Variants in DRICH1 observed in about 807,000 individuals in gnomAD.
The protein encoded by DRICH1 is aspartate-rich protein 1.
In DRICH1, 38 loss-of-function variants were observed where a neutral mutation model predicts 39.5. The ratio of observed to expected loss-of-function variants is 0.96; its 90% confidence interval spans 0.74 to 1.26. The LOEUF is 1.26. Among genes scored for constraint, DRICH1 ranks in the 50% most tolerant of loss-of-function variants. The pLI is 0.00. For missense variants in DRICH1, 279 were observed against 270.4 expected (o/e 1.03, Z -0.22); for synonymous variants, 84 against 99.5 (o/e 0.84, Z 0.93).
At chr22:23,582,570 A>ATTATTATTATTAT in the DRICH1 span, among the ~76,000 whole-genome samples, 3 of 135,626 alleles carry the variant, frequency 2.2e-5, no homozygotes, top group African/African-American at 7.9e-5. Flanking sequence ...TATTATTATT[A>ATTATTATTATTAT]TTATTATTAT....
intron 3 of DRICH1, among the ~76,000 whole-genome samples, chr22:23,622,804 G>A (rs1359065099): frequency 2.0e-5 from 3 of 152,052 alleles, no homozygotes; most frequent in African/African-American, 7.3e-5. Flanking sequence ...GGCTTCATCA[G>A]CTCTGTGTCA....
At chr22:23,619,171 CAAAAAAAAAAAA>C (rs5844565) in intron 6 of DRICH1, among the ~76,000 whole-genome samples, 181 bp downstream of exon 6, 1 of 84,938 alleles carries the variant, frequency 1.2e-5, no homozygotes, top group Admixed American at 1.3e-4. Flanking sequence ...GACTCCGTCT[CAAAAAAAAAAAA>C]AAAAAAGAAA....
chr22:23,597,359 T>C, the DRICH1 span, among the ~76,000 whole-genome samples: 2 of 147,160 alleles, frequency 1.4e-5, no homozygotes, highest in Non-Finnish European at 3.0e-5. Flanking sequence ...AATCTAAAAT[T>C]AGCCGGTCAC....
chr22:23,590,745 T>C, the DRICH1 span, among the ~76,000 whole-genome samples: 2 of 152,092 alleles, frequency 1.3e-5, no homozygotes, highest in Non-Finnish European at 2.9e-5. Context: ...ATTACAGGTG[T>C]GCACCACCAC....
chr22:23,622,588 A>G (rs1312287452), intron 3 of DRICH1, among the ~76,000 whole-genome samples: 1 of 152,194 alleles, frequency 6.6e-6, no homozygotes, highest in African/African-American at 2.4e-5. Flanking sequence ...TAAAAGATCT[A>G]TTACTTAATT....
At chr22:23,593,022 C>A in the DRICH1 span, among the ~76,000 whole-genome samples, 1 of 150,630 alleles carries the variant, frequency 6.6e-6, no homozygotes, top group Non-Finnish European at 1.5e-5. Context: ...CAGAGTGAGG[C>A]TTCACCTCAA....
the DRICH1 span, among the ~76,000 whole-genome samples, chr22:23,601,143 C>CGT: frequency 9.1e-5 from 13 of 142,912 alleles, no homozygotes; most frequent in Non-Finnish European, 1.8e-4. Flanking sequence ...CTAACGCACG[C>CGT]GCGCACACAC....
At chr22:23,619,073 AAGGCAGGAGAATC>A (rs1264013616) in intron 6 of DRICH1, among the ~76,000 whole-genome samples, 1 of 151,738 alleles carries the variant, frequency 6.6e-6, no homozygotes, top group Non-Finnish European at 1.5e-5. Flanking sequence ...TAGGGAGGAT[AAGGCAGGAGAATC>A]AGTTCAACCT....
At chr22:23,606,605 T>A (rs142620643), downstream of DRICH1, among the ~76,000 whole-genome samples, 1 of 152,108 alleles carries the variant, frequency 6.6e-6, no homozygotes, top group Non-Finnish European at 1.5e-5. Context: ...CTTTGAAATA[T>A]TTGGGGTGGG....
rs2123804787 is a variant in DRICH1, at chr22:23,632,035, A to G, written c.-12T>C. ...AGTATATTCCCCATGGGGCCTCTCC[A>G]TGCCTCTCCACTCCTGCCTCAGCCT... On this transcript the variant is annotated 5_prime_UTR_variant, in exon 1 of 12. The change abolishes an upstream ATG in the 5' untranslated region. Coordinates refer to ENST00000317749, the MANE Select transcript of DRICH1 (RefSeq NM_016449.4). The G allele has an allele frequency of 1.2e-6, 2 of 1,612,358 alleles. No individual in the cohort carries two copies. Among genetic ancestry groups the G allele is most frequent in the East Asian group, 2.2e-5 (1 of 44,876 alleles).
intron 7 of DRICH1, 144 bp downstream of exon 7, chr22:23,617,431 G>T: frequency 1.1e-6 from 1 of 946,588 alleles, no homozygotes; most frequent in Non-Finnish European, 1.7e-6. Context: ...GGCAATGCCT[G>T]CTTGTTGGGC....
At chr22:23,612,598 G>T (rs371920118) in intron 11 of DRICH1, among the ~76,000 whole-genome samples, 1 of 152,138 alleles carries the variant, frequency 6.6e-6, no homozygotes, top group East Asian at 1.9e-4. Context: ...GGAACTTTTG[G>T]CTTCCCAAAA....
intron 6 of DRICH1, among the ~76,000 whole-genome samples, 158 bp downstream of exon 6, chr22:23,619,206 A>G (rs1168179753): frequency 1.3e-5 from 2 of 151,980 alleles, no homozygotes; most frequent in Non-Finnish European, 2.9e-5. Context: ...GAAATCACAA[A>G]TTTATATTAG....
At chr22:23,615,356 A>G (rs1454276187) in intron 8 of DRICH1, among the ~76,000 whole-genome samples, 2 of 152,218 alleles carry the variant, frequency 1.3e-5, no homozygotes, top group African/African-American at 2.4e-5. Context: ...AGCCTGGGCA[A>G]GAACAGTGAA....
the DRICH1 span, among the ~76,000 whole-genome samples, chr22:23,595,172 G>A: frequency 7.0e-6 from 1 of 143,044 alleles, no homozygotes; most frequent in Non-Finnish European, 1.6e-5. Context: ...CTCCTCCTAT[G>A]AGTAGATGAA....
At chr22:23,604,518 T>G (rs527389409), downstream of DRICH1, among the ~76,000 whole-genome samples, 4 of 152,274 alleles carry the variant, frequency 2.6e-5, no homozygotes, top group South Asian at 8.3e-4. Context: ...CTGACGCTGA[T>G]GGGGACTCCT....
At chr22:23,632,438 C>A (rs1046633676), upstream of DRICH1, 11 of 250,742 alleles carry the variant, frequency 4.4e-5, no homozygotes, top group East Asian at 1.0e-4. Context: ...ACAGCCCCCC[C>A]CAATGCCTCA....
chr22:23,615,284 G>C (rs1439447648), intron 8 of DRICH1, among the ~76,000 whole-genome samples: 5 of 152,182 alleles, frequency 3.3e-5, no homozygotes, highest in Non-Finnish European at 5.9e-5. Context: ...GCTGAGGCAG[G>C]AGAATCACTT....
chr22:23,582,781 G>C, the DRICH1 span, among the ~76,000 whole-genome samples: 1 of 151,798 alleles, frequency 6.6e-6, no homozygotes, highest in Non-Finnish European at 1.5e-5. Context: ...GGCTGGTCCC[G>C]AACTCCTGAT....
Sources: gnomAD v4.1 joint callset for allele counts (sites outside exome capture counted in the v4.1 genomes callset) on GRCh38, gnomAD v4.1.1 for gene constraint, MANE v1.5 for transcripts, NCBI Gene and HGNC (gene_info 2026-07-23, HGNC 2026-07-21) for gene names.